GALK2: variants seen among roughly 807,000 people sequenced by gnomAD.
GALK2 encodes the protein galactokinase 2, also known as N-acetylgalactosamine kinase.
In GALK2, 36 loss-of-function variants were observed where a neutral mutation model predicts 52.4. That is an observed-to-expected ratio of 0.69 (90% CI 0.53 to 0.91). The LOEUF (loss-of-function observed/expected upper bound fraction) is 0.91. Ranked by LOEUF, GALK2 falls within the 40% of genes least tolerant of loss-of-function variation. The probability of loss-of-function intolerance (pLI) is 0.00; values close to 1 mark genes in which losing one functional copy is unlikely to be tolerated. For missense variants in GALK2, 579 were observed against 559.1 expected (o/e 1.04, Z -0.36); for synonymous variants, 176 against 199.1 (o/e 0.88, Z 0.98).
intron 3 of GALK2, among the ~76,000 whole-genome samples, chr15:49,226,353 C>T (rs757002492): frequency 6.6e-6 from 1 of 152,114 alleles, no homozygotes. Flanking sequence ...TTCAGCAACC[C>T]CACACAAGGT....
intron 8 of GALK2, among the ~76,000 whole-genome samples, chr15:49,292,813 A>G (rs1319777603): frequency 6.6e-6 from 1 of 151,148 alleles, no homozygotes; most frequent in African/African-American, 2.4e-5. Context: ...TCCCTTATCC[A>G]TTTTTTTCTG....
At chr15:49,360,470 T>A (rs1380383952) in intron 3 of GALK2, among the ~76,000 whole-genome samples, 1 of 152,236 alleles carries the variant, frequency 6.6e-6, no homozygotes, top group Non-Finnish European at 1.5e-5. Flanking sequence ...ATTTTTTAAA[T>A]AATTTGCATT....
intron 3 of GALK2, among the ~76,000 whole-genome samples, chr15:49,355,252 A>C (rs1480221286): frequency 1.3e-5 from 2 of 152,264 alleles, no homozygotes; most frequent in East Asian, 3.8e-4. Flanking sequence ...ATGACTTTGA[A>C]GAGCTCAGAG....
intron 3 of GALK2, among the ~76,000 whole-genome samples, chr15:49,361,234 T>A (rs2044180785): frequency 6.6e-6 from 1 of 152,158 alleles, no homozygotes; most frequent in Non-Finnish European, 1.5e-5. Flanking sequence ...ATATTACCTA[T>A]GATGCAAATT....
At chr15:49,192,645 T>C (rs1035969233) in intron 1 of GALK2, among the ~76,000 whole-genome samples, 2 of 151,494 alleles carry the variant, frequency 1.3e-5, no homozygotes, top group Non-Finnish European at 1.5e-5. Context: ...ACCAAATTTG[T>C]ATTCCCAAAA....
At chr15:49,178,694 G>A (rs1224064159) in intron 1 of GALK2, 2 of 217,558 alleles carry the variant, frequency 9.2e-6, no homozygotes, top group African/African-American at 4.6e-5. Context: ...CATGGTATCA[G>A]ACTGCTGCTT....
rs373575328 is a variant in GALK2, at chr15:49,201,956, A to G, written c.142+706A>G. On this transcript the variant is annotated intron_variant, in intron 2 of 9. Coordinates refer to ENST00000560031, the MANE Select transcript of GALK2 (RefSeq NM_002044.4). ...TGGCTTGTGATTCTGGAGGCAGAGAAGTTCAATATCATGGTACTCACATCT... is the reference window on the plus strand; with the variant it reads ...TGGCTTGTGATTCTGGAGGCAGAGAGGTTCAATATCATGGTACTCACATCT... Among the ~76,000 whole-genome samples, 5 of 152,170 alleles carry G rather than the reference A, an allele frequency of 3.3e-5. No individual in the cohort carries two copies. In the East Asian group the frequency reaches 7.7e-4, roughly 23 times the overall value.
intron 9 of GALK2, among the ~76,000 whole-genome samples, chr15:49,322,862 C>T (rs1356239360): frequency 2.0e-5 from 3 of 149,262 alleles, no homozygotes; most frequent in Non-Finnish European, 4.4e-5. Flanking sequence ...GAGGCTGAGG[C>T]GGGAGAATGG....
intron 1 of GALK2, among the ~76,000 whole-genome samples, chr15:49,192,357 A>T (rs2086786411): frequency 6.6e-6 from 1 of 151,486 alleles, no homozygotes; most frequent in African/African-American, 2.4e-5. Context: ...TCTTTTAAAC[A>T]GTTTCATTGC....
chr15:49,277,135 GTATTTTTTTTTTTTTTTTTTTTTTTTTT>G (rs2031876447), intron 5 of GALK2, among the ~76,000 whole-genome samples: 1 of 66,178 alleles, frequency 1.5e-5, no homozygotes, highest in African/African-American at 5.7e-5. Flanking sequence ...GCTAATTTTT[GTATTTTTTTTTTTTTTTTTTTTTTTTTT>G]TTTTTTTTTT....
chr15:49,303,275 T>C (rs1415239671), intron 8 of GALK2, among the ~76,000 whole-genome samples: 1 of 152,242 alleles, frequency 6.6e-6, no homozygotes, highest in Non-Finnish European at 1.5e-5. Context: ...TAAAAATGAA[T>C]GTGAACATAC....
chr15:49,250,228 G>A (rs2091531538), intron 5 of GALK2, among the ~76,000 whole-genome samples: 1 of 152,142 alleles, frequency 6.6e-6, no homozygotes, highest in Admixed American at 6.5e-5. Flanking sequence ...GGAAGAGTAA[G>A]GAGCCAAATC....
At position 49,292,369 on chromosome 15, in the gene GALK2, A is replaced by G; in HGVS notation, c.799A>G (p.Arg267Gly). 1 of 1,614,094 alleles carries G rather than the reference A, an allele frequency of 6.2e-7. No homozygotes were observed. The highest frequency in any genetic ancestry group is 1.3e-5 in the African/African-American group (1 of 75,050). Residue 267 changes from arginine (R) to glycine (G), a missense_variant, in exon 8 of 10, where the codon AGG (arginine) becomes GGG (glycine). By Grantham distance (125) the Arg-to-Gly change is moderately radical (BLOSUM62 -2). Coordinates refer to ENST00000560031, the MANE Select transcript of GALK2 (RefSeq NM_002044.4). ...YKSLQWDKVL[R>G]LEEVQAKLGI... ...AAGCTTGCAATGGGACAAAGTACTG[A>G]GGCTGGAGGAGGTGCAGGCTAAACT...
intron 5 of GALK2, among the ~76,000 whole-genome samples, chr15:49,270,950 G>T (rs946564441): frequency 3.9e-5 from 6 of 152,096 alleles, no homozygotes; most frequent in African/African-American, 1.4e-4. Context: ...TCAAGAGTGG[G>T]ACAGGACTGT....
At chr15:49,362,301 T>A (rs1364260583) in intron 3 of GALK2, among the ~76,000 whole-genome samples, 4 of 152,128 alleles carry the variant, frequency 2.6e-5, no homozygotes, top group Non-Finnish European at 5.9e-5. Context: ...TGTATGGCAC[T>A]TCCCCCTTCA....
At chr15:49,229,123 CAG>C (rs995399532) in intron 3 of GALK2, among the ~76,000 whole-genome samples, 1 of 152,196 alleles carries the variant, frequency 6.6e-6, no homozygotes, top group African/African-American at 2.4e-5. Flanking sequence ...CTTTTATAGA[CAG>C]TGACTTTTTC....
intron 4 of GALK2, among the ~76,000 whole-genome samples, chr15:49,237,345 G>A (rs1200934982): frequency 2.6e-5 from 4 of 152,242 alleles, no homozygotes; most frequent in Non-Finnish European, 4.4e-5. Context: ...ATATTACATT[G>A]AACATGTTAT....
intron 4 of GALK2, among the ~76,000 whole-genome samples, chr15:49,238,628 G>T (rs1245472053): frequency 1.3e-5 from 2 of 152,158 alleles, no homozygotes; most frequent in South Asian, 4.1e-4. Context: ...GTCTCCCTAT[G>T]TGTCATCTTG....
chr15:49,176,684 C>CT (rs1265098849), intron 1 of GALK2, among the ~76,000 whole-genome samples: 1 of 152,154 alleles, frequency 6.6e-6, no homozygotes, highest in East Asian at 1.9e-4. Flanking sequence ...GGAATGAACT[C>CT]TGCTTGGTCA....
Sources: gnomAD v4.1 joint callset for allele counts (sites outside exome capture counted in the v4.1 genomes callset) on GRCh38, gnomAD v4.1.1 for gene constraint, MANE v1.5 for transcripts, NCBI Gene and HGNC (gene_info 2026-07-23, HGNC 2026-07-21) for gene names.